SOS2: variants seen among roughly 807,000 people sequenced by gnomAD.
The protein encoded by SOS2 is SOS Ras/Rho guanine nucleotide exchange factor 2.
A neutral mutation model predicts 148.2 loss-of-function variants in SOS2; 65 were observed. That is an observed-to-expected ratio of 0.44 (90% CI 0.36 to 0.54). The LOEUF (loss-of-function observed/expected upper bound fraction) is 0.54, where lower values mean the gene tolerates loss of function less well. SOS2 is among the 20% of genes least tolerant of loss of function. SOS2 has a pLI of 0.00. For missense variants in SOS2, 1,341 were observed against 1,590.2 expected, an observed-to-expected ratio of 0.84 and a Z score of 2.67; for synonymous variants, 539 against 537.1, an observed-to-expected ratio of 1.00 and a Z score of -0.05.
chr14:50,187,622 T>C (rs899644899), intron 5 of SOS2, among the ~76,000 whole-genome samples: 2 of 152,174 alleles, frequency 1.3e-5, no homozygotes, highest in Admixed American at 6.5e-5. Context: ...GTGCTGGGAT[T>C]ATAGGCGTGA....
intron 7 of SOS2, 95 bp from the exon 8 acceptor site, chr14:50,174,647 TAC>T: frequency 5.5e-6 from 3 of 545,316 alleles, no homozygotes; most frequent in Non-Finnish European, 9.8e-6. Context: ...AAATTTGAGA[TAC>T]AGACTTATCA....
At chr14:50,169,292 G>A (rs1885280916) in intron 8 of SOS2, among the ~76,000 whole-genome samples, 1 of 150,788 alleles carries the variant, frequency 6.6e-6, no homozygotes, top group South Asian at 2.1e-4. Context: ...CTCCAGCCTG[G>A]GCGACAGAGT....
intron 5 of SOS2, among the ~76,000 whole-genome samples, chr14:50,183,080 G>A (rs574588468): frequency 6.6e-6 from 1 of 151,980 alleles, no homozygotes; most frequent in Non-Finnish European, 1.5e-5. Context: ...TTTTGCTCTT[G>A]GGAAAACTCA....
intron 21 of SOS2, among the ~76,000 whole-genome samples, chr14:50,124,676 A>C (rs1386494353): frequency 6.6e-6 from 1 of 152,232 alleles, no homozygotes; most frequent in African/African-American, 2.4e-5. Context: ...ATGGCAACTC[A>C]CTATTGTGTA....
chr14:50,160,161 C>T, intron 9 of SOS2, 75 bp from the exon 10 acceptor site: 1 of 1,129,814 alleles, frequency 8.9e-7, no homozygotes, highest in Non-Finnish European at 1.3e-6. Context: ...CATCTCAAAT[C>T]AAGTGAGTAA....
intron 21 of SOS2, among the ~76,000 whole-genome samples, chr14:50,123,168 G>C (rs1234514478): frequency 6.6e-6 from 1 of 152,106 alleles, no homozygotes; most frequent in Non-Finnish European, 1.5e-5. Context: ...CAGGCTGTGA[G>C]GCTAAATGGC....
At position 50,224,312 on chromosome 14, in the gene SOS2, TATACACACAC is replaced by T. The variant is rs1305298468; in HGVS notation, c.87+6875_87+6884del. 2.6e-3 allele frequency among the ~76,000 whole-genome samples: 138 copies of T among 53,278 alleles called. 4 individuals carry two copies. The highest frequency in any genetic ancestry group is 4.4e-3 in the Admixed American group (14 of 3,206). 35.0% of individuals were successfully genotyped at this position (53,278 alleles called of 152,430 possible). A position where few individuals can be genotyped will look rare whatever the true frequency, so the allele number is the denominator to read the frequency against. ...TCTCAGGAAAAAAAAAAAATATATATATACACACACACACACACACACACACACACACACA... is the reference window on the plus strand; with the variant it reads ...TCTCAGGAAAAAAAAAAAATATATATACACACACACACACACACACACACA... On this transcript the variant is annotated intron_variant, in intron 1 of 22. Transcript: ENST00000216373.
chr14:50,195,523 AGG>A (rs1381315983), intron 4 of SOS2, among the ~76,000 whole-genome samples: 21 of 152,270 alleles, frequency 1.4e-4, no homozygotes, highest in African/African-American at 4.6e-4. Flanking sequence ...GCATCTTGGG[AGG>A]TTGAGGCAAG....
At chr14:50,138,521 C>A (rs954340661) in intron 18 of SOS2, 91 bp downstream of exon 18, 22 of 566,906 alleles carry the variant, frequency 3.9e-5, no homozygotes, top group Non-Finnish European at 5.4e-5. Context: ...CCCTGTTGTG[C>A]GATCCAATAG....
In SOS2 at chr14:50,150,000, T is replaced by C. The variant is rs1884610561; in HGVS notation, c.2384+8A>G. On this transcript the variant is annotated splice_region_variant and intron_variant, in intron 14 of 22. Transcript: ENST00000216373. ...AAATAAAGCAAGACATTAACATTAA[T>C]TGTCTACCTGTAAAGATCAGACTCC... The C allele has an allele frequency of 2.0e-6, 3 of 1,526,470 alleles. No homozygotes were observed. The highest frequency in any genetic ancestry group is 1.8e-6 in the Non-Finnish European group (2 of 1,100,354). 94.6% of individuals were successfully genotyped at this position (1,526,470 alleles called of 1,614,324 possible). A position where few individuals can be genotyped will look rare whatever the true frequency, so the allele number is the denominator to read the frequency against.
At chr14:50,141,286 G>T (rs1240011206) in intron 16 of SOS2, among the ~76,000 whole-genome samples, 1 of 151,292 alleles carries the variant, frequency 6.6e-6, no homozygotes, top group Non-Finnish European at 1.5e-5. Flanking sequence ...TTGAGATGTT[G>T]GGGTGGGAGA....
At position 50,124,248 on chromosome 14, in the gene SOS2, C is replaced by T. The variant is rs200040024; in HGVS notation, c.3380-3864G>A. On this transcript the variant is annotated intron_variant, in intron 21 of 22. Coordinates refer to ENST00000216373, the MANE Select transcript of SOS2 (RefSeq NM_006939.4). The stretch of plus-strand genomic sequence containing the variant: ...GTGAGAAGAGGTCCAGAAACTGAGT[C>T]CTAAGGCCTTCCAATGTCAATAGTT... Among the ~76,000 whole-genome samples, 8 of 152,194 alleles carry T rather than the reference C, an allele frequency of 5.3e-5. No individual in the cohort carries two copies. The East Asian group carries it at 1.5e-3, about 29-fold the overall frequency.
intron 1 of SOS2, among the ~76,000 whole-genome samples, chr14:50,205,898 C>T (rs1228764044): frequency 4.7e-5 from 6 of 127,006 alleles, no homozygotes; most frequent in Non-Finnish European, 9.7e-5. Context: ...CCAGCCTGGG[C>T]AACTCCATCT....
chr14:50,182,626 G>T lies in SOS2; in HGVS notation c.715-20C>A. Reference sequence around the variant, plus strand: ...GATATCCTGAAAAAAGAGAAGGAAGGTTAAGAAATGTGAGATTGAGAATTC... The same window carrying T: ...GATATCCTGAAAAAAGAGAAGGAAGTTTAAGAAATGTGAGATTGAGAATTC... On this transcript the variant is annotated intron_variant, in intron 5 of 22. Coordinates refer to ENST00000216373, the MANE Select transcript of SOS2 (RefSeq NM_006939.4). The T allele has an allele frequency of 6.3e-7, 1 of 1,582,758 alleles. No homozygotes were observed. The highest frequency in any genetic ancestry group is 8.6e-7 in the Non-Finnish European group (1 of 1,157,514).
At chr14:50,135,764 C>G (rs1022205901) in intron 18 of SOS2, among the ~76,000 whole-genome samples, 1 of 146,800 alleles carries the variant, frequency 6.8e-6, no homozygotes, top group Non-Finnish European at 1.5e-5. Flanking sequence ...AATTTTAACT[C>G]TATAGTATTT....
intron 16 of SOS2, among the ~76,000 whole-genome samples, chr14:50,142,438 ACCCAC>A (rs1884326490): frequency 6.6e-6 from 1 of 152,114 alleles, no homozygotes; most frequent in Non-Finnish European, 1.5e-5. Context: ...TCTAATAACA[ACCCAC>A]TAAAAAAAAT....
intron 21 of SOS2, among the ~76,000 whole-genome samples, chr14:50,129,538 C>A (rs1164004456): frequency 1.3e-5 from 2 of 152,166 alleles, no homozygotes; most frequent in Non-Finnish European, 2.9e-5. Flanking sequence ...GCGTGCACCA[C>A]CATATCCGGC....
intron 6 of SOS2, among the ~76,000 whole-genome samples, chr14:50,182,223 C>T (rs1235384131): frequency 6.6e-6 from 1 of 151,996 alleles, no homozygotes; most frequent in East Asian, 1.9e-4. Flanking sequence ...TTTTTGGAGA[C>T]AGGGTCTCAC....
At chr14:50,123,600 C>T (rs1330183148) in intron 21 of SOS2, among the ~76,000 whole-genome samples, 1 of 151,976 alleles carries the variant, frequency 6.6e-6, no homozygotes, top group African/African-American at 2.4e-5. Context: ...CCAGGCTGGT[C>T]TCCAACTCCT....
Sources: allele counts gnomAD v4.1 joint callset (sites outside exome capture counted in the v4.1 genomes callset), GRCh38; gene constraint gnomAD v4.1.1; transcripts MANE v1.5; gene names NCBI Gene and HGNC (gene_info 2026-07-23, HGNC 2026-07-21).